Variants in CTBP2 observed in about 807,000 individuals in gnomAD.
CTBP2 encodes the protein C-terminal binding protein 2.
A neutral mutation model predicts 80.3 loss-of-function variants in CTBP2; 30 were observed. The observed-to-expected ratio is 0.37, with a 90% CI of 0.28 to 0.51. The LOEUF is 0.51. Ranked by LOEUF, CTBP2 falls within the 20% of genes least tolerant of loss-of-function variation. The probability of loss-of-function intolerance (pLI) is 0.93; values close to 1 mark genes in which losing one functional copy is unlikely to be tolerated. For synonymous variants in CTBP2, 594 were observed against 587.4 expected (o/e 1.01, Z -0.16); for missense variants, 1,212 against 1,375.3 (o/e 0.88, Z 1.88).
intron 1 of CTBP2, among the ~76,000 whole-genome samples, chr10:125,117,618 A>G (rs1853563076): frequency 6.6e-6 from 1 of 152,220 alleles, no homozygotes; most frequent in Admixed American, 6.5e-5. Flanking sequence ...GACAACGTCT[A>G]CCAAAGGGCT....
chr10:124,997,692 C>T (rs1054811553), intron 4 of CTBP2: 19 of 526,026 alleles, frequency 3.6e-5, no homozygotes, highest in Non-Finnish European at 5.1e-5. Flanking sequence ...GCGCCTTGCC[C>T]GCTGCCCCAC....
intron 2 of CTBP2, among the ~76,000 whole-genome samples, chr10:125,062,103 G>A (rs190389897): frequency 1.6e-3 from 239 of 152,224 alleles, no homozygotes; most frequent in African/African-American, 5.6e-3. Context: ...AGGGCCCTTA[G>A]CGACTGCTCC....
intron 1 of CTBP2, among the ~76,000 whole-genome samples, chr10:125,152,264 G>A (rs1220042860): frequency 1.3e-5 from 2 of 152,208 alleles, no homozygotes; most frequent in South Asian, 4.1e-4. Flanking sequence ...CGGACGCCAG[G>A]AGGCCCGTCC....
chr10:125,047,649 T>C (rs1961600906), intron 2 of CTBP2, among the ~76,000 whole-genome samples: 1 of 152,258 alleles, frequency 6.6e-6, no homozygotes, highest in African/African-American at 2.4e-5. Flanking sequence ...TATGCAAAAC[T>C]TAATACAATT....
At chr10:124,999,628 C>T (rs971448521) in intron 3 of CTBP2, 4 of 152,222 alleles carry the variant, frequency 2.6e-5, no homozygotes, top group Admixed American at 6.5e-5. Context: ...CTCCTCTGGG[C>T]CACCGACCCC....
upstream of CTBP2, among the ~76,000 whole-genome samples, chr10:125,032,491 G>A (rs1385312060): frequency 6.6e-6 from 1 of 152,082 alleles, no homozygotes; most frequent in African/African-American, 2.4e-5. Flanking sequence ...ACCTTTCTCA[G>A]TCCAATTCTG....
rs1186378194 is a variant in CTBP2, at chr10:124,984,474, G to A, written c.*5044C>T. On this transcript the variant is annotated 3_prime_UTR_variant, in exon 9 of 9. Coordinates refer to ENST00000309035, the MANE Select transcript of CTBP2 (RefSeq NM_022802.3). ...CTTACCTTGTCATGTGTTTGAAGCT[G>A]TGGCTTGCCAGGATCAGTTTATTAG... 2 of 313,184 alleles carry A rather than the reference G, an allele frequency of 6.4e-6. No individual in the cohort carries two copies. The highest frequency in any genetic ancestry group is 1.2e-5 in the Non-Finnish European group (2 of 171,552). The allele number at this position is 313,184 out of a possible 1,614,324, so 19.4% of individuals were successfully genotyped here. A position where few individuals can be genotyped will look rare whatever the true frequency, so the allele number is the denominator to read the frequency against.
At chr10:125,032,215 C>A (rs1958312272), upstream of CTBP2, among the ~76,000 whole-genome samples, 1 of 152,164 alleles carries the variant, frequency 6.6e-6, no homozygotes, top group Non-Finnish European at 1.5e-5. Flanking sequence ...CCTCAAGAGG[C>A]TGTGCTCAGC....
intron 2 of CTBP2, among the ~76,000 whole-genome samples, chr10:125,052,759 C>T (rs1336597845): frequency 1.2e-4 from 18 of 152,226 alleles, no homozygotes; most frequent in African/African-American, 2.9e-4. Context: ...CAGGCACCAT[C>T]GGTTCCTGCT....
chr10:125,020,016 C>A (rs746568664), intron 1 of CTBP2, among the ~76,000 whole-genome samples: 1 of 152,158 alleles, frequency 6.6e-6, no homozygotes, highest in Non-Finnish European at 1.5e-5. Flanking sequence ...GCAAAGGCCA[C>A]ATTTGAAAGT....
intron 3 of CTBP2, among the ~76,000 whole-genome samples, chr10:125,002,544 G>C (rs1230933567): frequency 6.6e-6 from 1 of 152,186 alleles, no homozygotes; most frequent in South Asian, 2.1e-4. Context: ...TGTGGACAGG[G>C]GCCTAGAGCT....
chr10:125,040,599 T>TACACACACACACAC (rs59512017), intron 2 of CTBP2, among the ~76,000 whole-genome samples: 1,676 of 146,052 alleles, frequency 0.011, 29 homozygotes, highest in African/African-American at 0.04. Context: ...CACAACCACA[T>TACACACACACACAC]ACACACACAC....
intron 1 of CTBP2, among the ~76,000 whole-genome samples, chr10:125,135,393 C>A (rs1174778391): frequency 2.0e-5 from 3 of 152,202 alleles, no homozygotes; most frequent in Non-Finnish European, 4.4e-5. Context: ...AAGCCAGATT[C>A]TTTTTCTATA....
At chr10:125,107,771 C>T (rs538719781) in intron 2 of CTBP2, among the ~76,000 whole-genome samples, 51 of 152,334 alleles carry the variant, frequency 3.3e-4, no homozygotes, top group African/African-American at 1.2e-3. Flanking sequence ...CAAGCTTCTA[C>T]ATCATCCTGG....
At chr10:125,144,776 G>A (rs149004338) in intron 1 of CTBP2, among the ~76,000 whole-genome samples, 12 of 152,316 alleles carry the variant, frequency 7.9e-5, no homozygotes, top group Non-Finnish European at 1.6e-4. Flanking sequence ...TTTGACTTGT[G>A]TACATAGATA....
chr10:125,133,565 G>A (rs10901867), intron 1 of CTBP2: 34,407 of 152,228 alleles, frequency 0.23, 3,865 homozygotes, highest in African/African-American at 0.24. Context: ...CCACCTCTTC[G>A]GAGGGTGTCT....
At chr10:125,159,525 C>G (rs1050884865) in intron 1 of CTBP2, among the ~76,000 whole-genome samples, 1 of 148,704 alleles carries the variant, frequency 6.7e-6, no homozygotes, top group African/African-American at 2.4e-5. Flanking sequence ...CAGATGTGGC[C>G]CGGCTGCCCG....
At chr10:125,128,534 A>G (rs1254246382) in intron 1 of CTBP2, among the ~76,000 whole-genome samples, 2 of 152,210 alleles carry the variant, frequency 1.3e-5, no homozygotes, top group Admixed American at 6.5e-5. Context: ...TGTGAACTCC[A>G]CAGCCCACGC....
rs1954738197 is a variant in CTBP2, at chr10:125,002,993, C to T, written c.1945G>A (p.Asp649Asn). ...CCGGCAGCCTTGATGTCCACGTTGT[C>T]ATAGCCACTGCCTATCCGCACGATC... The change falls in exon 3 of 9, where the codon GAC (aspartate) becomes AAC (asparagine). Residue 649 changes from aspartate to asparagine, a missense_variant. Asp to Asn is a conservative substitution (Grantham distance 23, BLOSUM62 1). Around this residue, in one of 3 missense-constraint regions of CTBP2, gnomAD observed 335 missense variants for 504.7 expected, o/e 0.66. Transcript: ENST00000309035. 22 of 1,613,740 alleles carry T rather than the reference C, an allele frequency of 1.4e-5. No homozygotes were observed. The highest frequency in any genetic ancestry group is 1.9e-5 in the Non-Finnish European group (22 of 1,180,006).
Sources: gnomAD v4.1 joint callset for allele counts (sites outside exome capture counted in the v4.1 genomes callset) on GRCh38, gnomAD v4.1.1 for gene constraint, gnomAD v4.1.1 regional missense constraint, MANE v1.5 for transcripts, NCBI Gene and HGNC (gene_info 2026-07-23, HGNC 2026-07-21) for gene names.